ZCCHC24: variants seen among roughly 807,000 people sequenced by gnomAD.
ZCCHC24 encodes the protein zinc finger CCHC-type containing 24, also known as zinc finger CCHC domain-containing protein 24.
In ZCCHC24, 10 loss-of-function variants were observed where a neutral mutation model predicts 26.2. That is an observed-to-expected ratio of 0.38 (90% confidence interval 0.24 to 0.65). The LOEUF is 0.65. ZCCHC24 is among the 30% of genes least tolerant of loss of function. The pLI, the probability that ZCCHC24 is intolerant of heterozygous loss-of-function variation, is 0.54. For missense variants in ZCCHC24, 243 were observed against 329.1 expected, an observed-to-expected ratio of 0.74 and a Z score of 2.03; for synonymous variants, 144 against 147.1, an observed-to-expected ratio of 0.98 and a Z score of 0.15.
intron 1 of ZCCHC24, among the ~76,000 whole-genome samples, chr10:79,435,008 C>T (rs1857196007): frequency 6.6e-6 from 1 of 152,076 alleles, no homozygotes; most frequent in African/African-American, 2.4e-5. Context: ...CAGGGTCTCC[C>T]CTTATCTTGA....
At chr10:79,404,400 C>T (rs555326055) in intron 2 of ZCCHC24, among the ~76,000 whole-genome samples, 7 of 152,082 alleles carry the variant, frequency 4.6e-5, no homozygotes, top group Non-Finnish European at 8.8e-5. Context: ...CCACACGGAT[C>T]AGAGCGGAGG....
chr10:79,385,426 T>G lies in ZCCHC24; in HGVS notation c.*919A>C, dbSNP rs1418816938. 6.6e-6 allele frequency: 1 copy of G among 152,232 alleles called. No homozygotes were observed. The highest frequency in any genetic ancestry group is 1.9e-4 in the East Asian group (1 of 5,196). The allele number at this position is 152,232 out of a possible 1,614,324, so 9.4% of individuals were successfully genotyped here. ...CTGAGGCCTGGAGATGCGAAGTCCT[T>G]GCCCAAGGTGACACAATGCGTCGGC... On this transcript the variant is annotated 3_prime_UTR_variant, in exon 4 of 4. Coordinates refer to ENST00000372336, the MANE Select transcript of ZCCHC24 (RefSeq NM_153367.4). The surrounding 1 kb of genome is among the most constrained non-coding windows in gnomAD (Gnocchi z 4.3).
intron 1 of ZCCHC24, among the ~76,000 whole-genome samples, chr10:79,443,893 G>A (rs1564643514): frequency 6.6e-6 from 1 of 152,174 alleles, no homozygotes; most frequent in African/African-American, 2.4e-5. Context: ...CCCCTCCCAC[G>A]CCTGTTCTAC....
intron 2 of ZCCHC24, among the ~76,000 whole-genome samples, chr10:79,411,969 C>G (rs900412490): frequency 3.9e-5 from 6 of 152,210 alleles, no homozygotes; most frequent in African/African-American, 1.4e-4. Context: ...GGCTGTCTCT[C>G]CTGCCCTTCC....
intron 2 of ZCCHC24, among the ~76,000 whole-genome samples, chr10:79,426,672 C>T (rs1857032749): frequency 6.6e-6 from 1 of 151,988 alleles, no homozygotes; most frequent in Non-Finnish European, 1.5e-5. Flanking sequence ...AAAAAAATAA[C>T]TCACAAAACA....
At chr10:79,433,957 A>T (rs902323087) in intron 1 of ZCCHC24, among the ~76,000 whole-genome samples, 1 of 152,216 alleles carries the variant, frequency 6.6e-6, no homozygotes, top group Admixed American at 6.5e-5. Context: ...ACTGAAGCAG[A>T]TCCTACTTTG....
intron 3 of ZCCHC24, among the ~76,000 whole-genome samples, chr10:79,393,520 T>C (rs529605917): frequency 6.6e-6 from 1 of 152,214 alleles, no homozygotes; most frequent in Non-Finnish European, 1.5e-5. Context: ...CCAGCTCACA[T>C]GAGGCTATGC....
In ZCCHC24 at chr10:79,403,549, C is replaced by T. The variant is rs1020357180; in HGVS notation, c.448-9109G>A. On this transcript the variant is annotated intron_variant, in intron 2 of 3. Transcript: ENST00000372336. ...GGTCAGAGGGACAGGTGGGCTGGGC[C>T]GCGGCCTGCAGGATGCTGGGAGGGA... 29 of 985,284 alleles carry T rather than the reference C, an allele frequency of 2.9e-5. No homozygotes were observed. The East Asian group carries it at 7.9e-4, about 27-fold the overall frequency. The allele number at this position is 985,284 out of a possible 1,614,324, so 61.0% of individuals were successfully genotyped here.
chr10:79,438,248 A>T (rs1014057884), intron 1 of ZCCHC24, among the ~76,000 whole-genome samples: 1 of 151,388 alleles, frequency 6.6e-6, no homozygotes, highest in Non-Finnish European at 1.5e-5. Context: ...ACGCACCCAC[A>T]CTCCTCTGTT....
intron 2 of ZCCHC24, among the ~76,000 whole-genome samples, chr10:79,428,502 G>C (rs1857077703): frequency 8.7e-6 from 1 of 114,420 alleles, no homozygotes; most frequent in African/African-American, 3.3e-5. Context: ...AAAGAGCTCT[G>C]TGGCTGGAAG....
chr10:79,399,311 A>G (rs1589662085), intron 2 of ZCCHC24, among the ~76,000 whole-genome samples: 1 of 151,902 alleles, frequency 6.6e-6, no homozygotes, highest in African/African-American at 2.4e-5. Context: ...CTCACCACAC[A>G]CCCCCCTGCC....
chr10:79,404,273 C>A (rs1471559002), intron 2 of ZCCHC24, among the ~76,000 whole-genome samples: 2 of 152,258 alleles, frequency 1.3e-5, no homozygotes, highest in Non-Finnish European at 2.9e-5. Context: ...CCACCCCAGC[C>A]AGGCGATTTG....
At chr10:79,422,534 A>T (rs1429975095) in intron 2 of ZCCHC24, among the ~76,000 whole-genome samples, 1 of 152,136 alleles carries the variant, frequency 6.6e-6, no homozygotes. Flanking sequence ...CCCCAGCAAG[A>T]CCCTGAGACT....
rs533323812 is a variant in ZCCHC24 at position 79,386,695 on chromosome 10, G to C, written c.613-237C>G. ...TGTGGTCACAGGTTGTTTCAGCCAC[G>C]GTGCCGGGGCCCTCCTCCTGAGCCC... is the stretch of plus-strand genomic sequence containing the variant. On this transcript the variant is annotated intron_variant, in intron 3 of 3. Transcript: ENST00000372336. Among the ~76,000 whole-genome samples, 17 of 152,292 alleles carry C rather than the reference G, an allele frequency of 1.1e-4. No homozygotes were observed. In the South Asian group the frequency reaches 3.5e-3, roughly 32 times the overall value.
At chr10:79,430,072 T>C (rs999525087) in intron 2 of ZCCHC24, among the ~76,000 whole-genome samples, 4 of 152,182 alleles carry the variant, frequency 2.6e-5, no homozygotes, top group African/African-American at 7.2e-5. Context: ...CTCTTCATAG[T>C]GACCCAAAGG....
chr10:79,420,305 A>G (rs796244211), intron 2 of ZCCHC24, among the ~76,000 whole-genome samples: 52 of 152,196 alleles, frequency 3.4e-4, no homozygotes, highest in African/African-American at 1.2e-3. Context: ...CCCCTGAGAA[A>G]GCACAGCCTT....
chr10:79,439,970 G>T (rs556154621), intron 1 of ZCCHC24, among the ~76,000 whole-genome samples: 21 of 152,260 alleles, frequency 1.4e-4, no homozygotes, highest in African/African-American at 5.1e-4. Context: ...CAAGGGCAGG[G>T]AATGGCATTT....
chr10:79,400,448 A>G (rs1034669088), intron 2 of ZCCHC24, among the ~76,000 whole-genome samples: 17 of 152,242 alleles, frequency 1.1e-4, no homozygotes, highest in Non-Finnish European at 2.1e-4. Flanking sequence ...TTATAAAGAG[A>G]GCAGGATAAG....
intron 3 of ZCCHC24, among the ~76,000 whole-genome samples, chr10:79,387,762 T>A (rs1485939799): frequency 1.3e-5 from 2 of 152,114 alleles, no homozygotes; most frequent in Non-Finnish European, 2.9e-5. Flanking sequence ...CAATCCACAG[T>A]CTTGGCCCCA....
Sources: allele counts gnomAD v4.1 joint callset (sites outside exome capture counted in the v4.1 genomes callset), GRCh38; gene constraint gnomAD v4.1.1; non-coding constraint Gnocchi (gnomAD v3.1); transcripts MANE v1.5; gene names NCBI Gene and HGNC (gene_info 2026-07-23, HGNC 2026-07-21).